Variants in SHTN1 observed in about 807,000 individuals in gnomAD.
SHTN1 encodes the protein shootin 1.
In SHTN1, 42 loss-of-function variants were observed where a neutral mutation model predicts 83.1. The observed-to-expected ratio is 0.51, with a 90% CI of 0.39 to 0.65. SHTN1 has a LOEUF of 0.65. SHTN1 is among the 30% of genes least tolerant of loss of function. The probability of loss-of-function intolerance (pLI) is 0.00; values close to 1 mark genes in which losing one functional copy is unlikely to be tolerated. For missense variants in SHTN1, 622 were observed against 737.8 expected (o/e 0.84, Z 1.82); for synonymous variants, 224 against 247.7 (o/e 0.90, Z 0.90).
intron 2 of SHTN1, among the ~76,000 whole-genome samples, chr10:117,046,300 T>G (rs1167436772): frequency 6.6e-6 from 1 of 152,082 alleles, no homozygotes; most frequent in Admixed American, 6.6e-5. Flanking sequence ...CATGAGTCAT[T>G]AGGTAAATGC....
At chr10:116,959,776 T>C (rs1436617529) in intron 4 of SHTN1, among the ~76,000 whole-genome samples, 1 of 152,228 alleles carries the variant, frequency 6.6e-6, no homozygotes, top group Non-Finnish European at 1.5e-5. Flanking sequence ...ACTGCTCTTT[T>C]ATGTCACACC....
chr10:116,900,419 G>T (rs1017239497), intron 16 of SHTN1: 3 of 864,512 alleles, frequency 3.5e-6, no homozygotes, highest in African/African-American at 1.7e-5. Flanking sequence ...CACATATTTT[G>T]CAGACCTTGG....
chr10:116,957,026 T>C (rs1270288734), intron 4 of SHTN1, among the ~76,000 whole-genome samples: 1 of 152,044 alleles, frequency 6.6e-6, no homozygotes, highest in African/African-American at 2.4e-5. Context: ...TGAGCTCAAG[T>C]GACCCTCCCA....
intron 2 of SHTN1, among the ~76,000 whole-genome samples, chr10:117,046,215 A>G (rs1255236715): frequency 6.6e-6 from 1 of 152,134 alleles, no homozygotes; most frequent in Non-Finnish European, 1.5e-5. Context: ...ACCTAGACAT[A>G]TACTCAAACT....
intron 1 of SHTN1, among the ~76,000 whole-genome samples, chr10:117,105,626 T>C (rs1287295034): frequency 6.6e-6 from 1 of 152,228 alleles, no homozygotes; most frequent in Non-Finnish European, 1.5e-5. Flanking sequence ...CCAACCATGA[T>C]GACAGTATAT....
intron 1 of SHTN1, among the ~76,000 whole-genome samples, chr10:117,110,681 C>A: frequency 6.6e-6 from 1 of 151,826 alleles, no homozygotes; most frequent in Non-Finnish European, 1.5e-5. Context: ...TTTTTAAAAA[C>A]CACTGAAAAA....
At chr10:117,031,129 T>C (rs1852408403) in intron 2 of SHTN1, among the ~76,000 whole-genome samples, 1 of 151,932 alleles carries the variant, frequency 6.6e-6, no homozygotes, top group Admixed American at 6.6e-5. Context: ...GAGAAACAAA[T>C]AACATACAAT....
At position 117,115,743 on chromosome 10, in the gene SHTN1, TTTC is replaced by T. The variant is rs370776867; in HGVS notation, c.-189+10561_-189+10563del. Among the ~76,000 whole-genome samples, 474 of 152,280 alleles carry T rather than the reference TTTC, an allele frequency of 3.1e-3. 2 individuals carry two copies. Among genetic ancestry groups the T allele is most frequent in the African/African-American group, 0.011 (456 of 41,564 alleles). ...ATATTTTCAAACATTTCACTAGAGA[TTTC>T]TTCAAGAGAAATAAAAATGGCAGCT... is the stretch of plus-strand genomic sequence containing the variant. On this transcript the variant is annotated intron_variant, in intron 1 of 17. Coordinates refer to the SHTN1 transcript ENST00000392901.
intron 2 of SHTN1, among the ~76,000 whole-genome samples, chr10:117,031,994 T>C (rs985924971): frequency 6.6e-5 from 10 of 151,974 alleles, no homozygotes; most frequent in African/African-American, 2.4e-4. Flanking sequence ...CAATGATCTG[T>C]TGCCTACAAG....
At chr10:117,080,885 G>A (rs1232530226) in intron 1 of SHTN1, among the ~76,000 whole-genome samples, 4 of 112,260 alleles carry the variant, frequency 3.6e-5, no homozygotes, top group African/African-American at 1.2e-4. Flanking sequence ...CATTGATTTT[G>A]TATCCTGAGA....
rs1164442334 is a variant in SHTN1, at chr10:116,883,739, G to C, written c.*2605C>G. 6.5e-6 allele frequency: 1 copy of C among 154,918 alleles called. No individual in the cohort carries two copies. The highest frequency in any genetic ancestry group is 3.4e-3 in the Middle Eastern group (1 of 298). The allele number at this position is 154,918 out of a possible 1,614,324, so 9.6% of individuals were successfully genotyped here. The stretch of plus-strand genomic sequence containing the variant: ...TTATTGGTGAGTAGTTAGAGCCAAA[G>C]CATCCATCCTCCGTACTCAGGGCAA... On this transcript the variant is annotated 3_prime_UTR_variant, in exon 17 of 17. Transcript: ENST00000355371.
chr10:116,937,534 G>A (rs931822664), intron 9 of SHTN1, among the ~76,000 whole-genome samples: 6 of 152,156 alleles, frequency 3.9e-5, no homozygotes, highest in African/African-American at 7.2e-5. Flanking sequence ...GTGATCCACC[G>A]TTAGTCTGCT....
intron 1 of SHTN1, among the ~76,000 whole-genome samples, chr10:116,989,797 G>A (rs1414872346): frequency 6.6e-6 from 1 of 152,104 alleles, no homozygotes; most frequent in Non-Finnish European, 1.5e-5. Context: ...GTTACTTTTC[G>A]GCCTCGCGAT....
chr10:117,011,879 G>A (rs955580578), intron 2 of SHTN1, among the ~76,000 whole-genome samples: 2 of 152,062 alleles, frequency 1.3e-5, no homozygotes, highest in African/African-American at 2.4e-5. Context: ...GGTGGCTCAC[G>A]CCTGTAATCC....
chr10:117,071,944 T>G (rs1799037474), intron 1 of SHTN1, among the ~76,000 whole-genome samples: 1 of 152,202 alleles, frequency 6.6e-6, no homozygotes, highest in Admixed American at 6.5e-5. Context: ...GACAGTAATT[T>G]GTTAGCTCAA....
At chr10:117,059,278 C>G (rs1852868074) in intron 1 of SHTN1, among the ~76,000 whole-genome samples, 1 of 152,152 alleles carries the variant, frequency 6.6e-6, no homozygotes, top group African/African-American at 2.4e-5. Context: ...ATATAGAGTA[C>G]AGCCACTCTG....
chr10:116,911,634 A>G (rs1194825609), intron 14 of SHTN1, 156 bp downstream of exon 14: 1 of 1,557,598 alleles, frequency 6.4e-7, no homozygotes, highest in Non-Finnish European at 8.7e-7. Context: ...TATGTGATGG[A>G]GCAGTCTGTA....
chr10:116,942,522 A>G (rs981810658), intron 8 of SHTN1, among the ~76,000 whole-genome samples: 2 of 152,128 alleles, frequency 1.3e-5, no homozygotes, highest in Non-Finnish European at 2.9e-5. Flanking sequence ...CAAAAAATTT[A>G]ATTATGTTGA....
chr10:116,933,676 T>C (rs1032468871), intron 9 of SHTN1, among the ~76,000 whole-genome samples: 1 of 152,246 alleles, frequency 6.6e-6, no homozygotes, highest in Non-Finnish European at 1.5e-5. Flanking sequence ...CCTTTGGGTA[T>C]ATACCCAGTA....
Sources: allele counts gnomAD v4.1 joint callset (sites outside exome capture counted in the v4.1 genomes callset), GRCh38; gene constraint gnomAD v4.1.1; transcripts MANE v1.5; gene names NCBI Gene and HGNC (gene_info 2026-07-23, HGNC 2026-07-21).